ACP5: variants seen among roughly 807,000 people sequenced by gnomAD.
ACP5 encodes the protein tartrate-resistant acid phosphatase type 5.
A neutral mutation model predicts 28.7 loss-of-function variants in ACP5; 24 were observed. The ratio of observed to expected loss-of-function variants is 0.84; its 90% confidence interval spans 0.61 to 1.18. The LOEUF is 1.18. Among genes scored for constraint, ACP5 ranks in the 50% most tolerant of loss-of-function variants. The pLI, the probability that ACP5 is intolerant of heterozygous loss-of-function variation, is 0.00. For synonymous variants in ACP5, 154 were observed against 181.4 expected, an observed-to-expected ratio of 0.85 and a Z score of 1.21; for missense variants, 354 against 422.2, an observed-to-expected ratio of 0.84 and a Z score of 1.42.
chr19:11,577,855 G>A (rs1973233261), upstream of ACP5: 1 of 220,996 alleles, frequency 4.5e-6, no homozygotes, highest in Non-Finnish European at 9.1e-6. This position sits in a 1 kb window ranked among gnomAD's most constrained non-coding sequence, Gnocchi z 5.7. Flanking sequence ...CACAGCCTCC[G>A]GGTGGACCTG....
At position 11,574,893 on chromosome 19, in the gene ACP5, C is replaced by T; in HGVS notation, c.*117G>A. ...CAGTTCATCAGCTGTGTTTCCCCTT[C>T]CTGCCCTGCTGCAGCGCCACAGGTT... On this transcript the variant is annotated 3_prime_UTR_variant, in exon 5 of 5. Coordinates refer to ENST00000648477, the MANE Select transcript of ACP5 (RefSeq NM_001611.5). 1.6e-6 allele frequency: 2 copies of T among 1,219,402 alleles called. No individual in the cohort carries two copies. The highest frequency in any genetic ancestry group is 1.3e-5 in the South Asian group (1 of 79,152). 75.5% of individuals were successfully genotyped at this position (1,219,402 alleles called of 1,614,324 possible).
chr19:11,576,643 T>A, intron 3 of ACP5, 55 bp from the exon 4 acceptor site: 1 of 1,612,962 alleles, frequency 6.2e-7, no homozygotes, highest in East Asian at 2.2e-5. Context: ...AGTCCCAGGG[T>A]CAGCTCAAGC....
intron 3 of ACP5, 40 bp from the exon 4 acceptor site, chr19:11,576,628 G>A (rs200679613): frequency 4.1e-5 from 66 of 1,613,344 alleles, no homozygotes; most frequent in South Asian, 7.7e-5. Context: ...CATCTTGGGC[G>A]CAGAAGTCCC....
rs1973178974 is a variant in ACP5 at position 11,576,813 on chromosome 19, A to G, written c.292T>C (p.Ser98Pro). 1 of 1,614,030 alleles carries G rather than the reference A, an allele frequency of 6.2e-7. No homozygotes were observed. The highest frequency in any genetic ancestry group is 2.2e-5 in the East Asian group (1 of 44,860). Residue 98 changes from serine (S) to proline (P), a missense_variant, in exon 3 of 5, where the codon TCC becomes CCC. Physicochemically the swap from Ser to Pro is moderately conservative, Grantham distance 74. Transcript: ENST00000648477. ...ETFEDVFSDRSLRKVPWYVLA... is the reference protein window; with the variant it reads ...ETFEDVFSDRPLRKVPWYVLA... ...ACGTACCAGGGCACTTTGCGAAGGG[A>G]GCGGTCAGAGAATACGTCCTCAAAG... is the stretch of plus-strand genomic sequence containing the variant.
Position 11,576,619 on chromosome 19 carries a change from A to C in ACP5, c.390-31T>G, listed in dbSNP as rs750328133. ...GAGGGGATAGAGGTCGTGGGTGCACATCTTGGGCGCAGAAGTCCCAGGGTC... is the reference window on the plus strand; with the variant it reads ...GAGGGGATAGAGGTCGTGGGTGCACCTCTTGGGCGCAGAAGTCCCAGGGTC... On this transcript the variant is annotated intron_variant, in intron 3 of 4. Coordinates refer to ENST00000648477, the MANE Select transcript of ACP5 (RefSeq NM_001611.5). 9.3e-6 allele frequency: 15 copies of C among 1,613,498 alleles called. 1 individual carries two copies. In the South Asian group the frequency reaches 1.5e-4, roughly 17 times the overall value.
chr19:11,576,164 G>A (rs997342977), intron 4 of ACP5, 79 bp downstream of exon 4: 33 of 1,258,084 alleles, frequency 2.6e-5, no homozygotes, highest in Non-Finnish European at 3.6e-5. Flanking sequence ...CAAACAGCAG[G>A]AGGACCCCAG....
chr19:11,576,006 C>CAAAAAAAAAAAAAAAAAAA (rs3035420), intron 4 of ACP5, among the ~76,000 whole-genome samples: 35 of 52,814 alleles, frequency 6.6e-4, no homozygotes, highest in East Asian at 2.3e-3. Context: ...ACCTTGTCTC[C>CAAAAAAAAAAAAAAAAAAA]AAAAAAAAAA....
chr19:11,577,618 CG>C lies in ACP5; in HGVS notation c.-27del. ...CCAGGGGGAGACACAGGCCAGTCACCGGAGGCTCTGAGAGGCTGGTGGGCTC... is the reference window on the plus strand; with the variant it reads ...CCAGGGGGAGACACAGGCCAGTCACCGAGGCTCTGAGAGGCTGGTGGGCTC... On this transcript the variant is annotated 5_prime_UTR_variant, in exon 1 of 5. Coordinates refer to ENST00000648477, the MANE Select transcript of ACP5 (RefSeq NM_001611.5). This position sits in a 1 kb window ranked among gnomAD's most constrained non-coding sequence, Gnocchi z 5.7. The C allele has an allele frequency of 1.9e-6, 1 of 513,898 alleles. No homozygotes were observed. The highest frequency in any genetic ancestry group is 2.0e-5 in the South Asian group (1 of 49,014). 31.8% of individuals were successfully genotyped at this position (513,898 alleles called of 1,614,324 possible).
intron 4 of ACP5, 137 bp from the exon 5 acceptor site, chr19:11,575,389 T>C (rs1973095823): frequency 1.9e-6 from 2 of 1,058,640 alleles, no homozygotes; most frequent in African/African-American, 3.2e-5. Flanking sequence ...TTCCTGACTT[T>C]TAGGAGTGTA....
chr19:11,576,179 G>A (rs1568428720), intron 4 of ACP5, 64 bp downstream of exon 4: 2 of 1,405,630 alleles, frequency 1.4e-6, no homozygotes, highest in Non-Finnish European at 9.8e-7. Flanking sequence ...CCCCAGCCAT[G>A]TGGACATCAG....
chr19:11,575,277 G>C, intron 4 of ACP5, 25 bp from the exon 5 acceptor site: 1 of 1,613,082 alleles, frequency 6.2e-7, no homozygotes, highest in East Asian at 2.2e-5. Flanking sequence ...CAAGGGGTCA[G>C]TGGAGACCCA....
In ACP5 at chr19:11,577,540, TG is replaced by T; in HGVS notation, c.-1+52del. On this transcript the variant is annotated intron_variant, in intron 1 of 4. Coordinates refer to ENST00000648477, the MANE Select transcript of ACP5 (RefSeq NM_001611.5). The surrounding 1 kb of genome is among the most constrained non-coding windows in gnomAD (Gnocchi z 5.7). ...TGTGAGAGGGCGAGCTGTACCAAGA[TG>T]GCCCTGCAGGCCCATTTCACCCTCC... 1.6e-6 allele frequency: 1 copy of T among 615,224 alleles called. No individual in the cohort carries two copies. The highest frequency in any genetic ancestry group is 2.8e-5 in the East Asian group (1 of 35,896). The allele number at this position is 615,224 out of a possible 1,614,324, so 38.1% of individuals were successfully genotyped here.
In ACP5 at chr19:11,574,890, C is replaced by T. The variant is rs1973067279; in HGVS notation, c.*120G>A. On this transcript the variant is annotated 3_prime_UTR_variant, in exon 5 of 5. Coordinates refer to ENST00000648477, the MANE Select transcript of ACP5 (RefSeq NM_001611.5). The stretch of plus-strand genomic sequence containing the variant: ...CCACAGTTCATCAGCTGTGTTTCCC[C>T]TTCCTGCCCTGCTGCAGCGCCACAG... The T allele has an allele frequency of 8.4e-7, 1 of 1,197,332 alleles. No individual in the cohort carries two copies. Among genetic ancestry groups the T allele is most frequent in the African/African-American group, 1.5e-5 (1 of 66,490 alleles). The allele number at this position is 1,197,332 out of a possible 1,614,324, so 74.2% of individuals were successfully genotyped here.
chr19:11,576,772 A>G lies in ACP5; in HGVS notation c.333T>C (p.His111=), dbSNP rs751580952. The G allele has an allele frequency of 6.2e-7, 1 of 1,614,054 alleles. No homozygotes were observed. The highest frequency in any genetic ancestry group is 1.1e-5 in the South Asian group (1 of 91,072). The change falls in exon 3 of 5, where the codon CAT becomes CAC. Residue 111 remains histidine, a synonymous_variant. Coordinates refer to ENST00000648477, the MANE Select transcript of ACP5 (RefSeq NM_001611.5). ...KVPWYVLAGN[H]DHLGNVSAQI... is the part of the protein sequence containing the mutation. The stretch of plus-strand genomic sequence containing the variant: ...GGGCAGAGACATTGCCAAGGTGGTC[A>G]TGGTTTCCGGCTAGCACGTACCAGG...
At chr19:11,576,925 C>A (rs1241325146) in intron 2 of ACP5, 82 bp from the exon 3 acceptor site, 2 of 1,609,926 alleles carry the variant, frequency 1.2e-6, no homozygotes, top group Non-Finnish European at 1.7e-6. Flanking sequence ...ATAAGGGAGA[C>A]ACTGAATGCT....
chr19:11,575,275 C>G, intron 4 of ACP5, 23 bp from the exon 5 acceptor site: 6 of 1,613,018 alleles, frequency 3.7e-6, no homozygotes, highest in Non-Finnish European at 5.1e-6. Flanking sequence ...GACAAGGGGT[C>G]AGTGGAGACC....
chr19:11,574,750 G>T lies in ACP5; in HGVS notation c.*260C>A, dbSNP rs2145079385. On this transcript the variant is annotated 3_prime_UTR_variant, in exon 5 of 5. Transcript: ENST00000648477. ...GCTTTCCCTCCCTCCCTCCCCCATT[G>T]CACCCCGGAACTCAGCAAAGGTGAG... 74 of 321,354 alleles carry T rather than the reference G, an allele frequency of 2.3e-4. No individual in the cohort carries two copies. Among genetic ancestry groups the T allele is most frequent in the Non-Finnish European group, 3.6e-4 (59 of 162,546 alleles). The allele number at this position is 321,354 out of a possible 1,614,324, so 19.9% of individuals were successfully genotyped here.
chr19:11,575,997 C>T (rs938291484), intron 4 of ACP5, among the ~76,000 whole-genome samples: 5 of 89,338 alleles, frequency 5.6e-5, no homozygotes, highest in Non-Finnish European at 1.0e-4. Context: ...AACAATGAAA[C>T]CTTGTCTCCA....
chr19:11,578,747 TC>T, upstream of ACP5: 1 of 151,992 alleles, frequency 6.6e-6, no homozygotes, highest in Non-Finnish European at 1.5e-5. Flanking sequence ...AAGTGCTTGG[TC>T]CCCCCCATTC....
Sources: gnomAD v4.1 joint callset for allele counts (sites outside exome capture counted in the v4.1 genomes callset) on GRCh38, gnomAD v4.1.1 for gene constraint, Gnocchi (gnomAD v3.1) non-coding constraint, MANE v1.5 for transcripts, NCBI Gene and HGNC (gene_info 2026-07-23, HGNC 2026-07-21) for gene names.